Variants in FANCA observed in about 807,000 individuals in gnomAD.
The protein encoded by FANCA is FA complementation group A, also known as Fanconi anemia group A protein.
A neutral mutation model predicts 194.3 loss-of-function variants in FANCA; 236 were observed. The ratio of observed to expected loss-of-function variants is 1.21; its 90% CI spans 1.09 to 1.35. The LOEUF (loss-of-function observed/expected upper bound fraction) is 1.35. Among genes scored for constraint, FANCA ranks in the 40% most tolerant of loss-of-function variants. The pLI, the probability that FANCA is intolerant of heterozygous loss-of-function variation, is 0.00. For synonymous variants in FANCA, 1,014 were observed against 715.8 expected (o/e 1.42, Z -6.65); for missense variants, 2,628 against 1,813.9 (o/e 1.45, Z -8.15).
chr16:89,762,513 G>T (rs1318814269), intron 28 of FANCA: 3 of 223,724 alleles, frequency 1.3e-5, no homozygotes, highest in Non-Finnish European at 1.8e-5. Context: ...AGGATCTCTT[G>T]AGCCCAGGAG....
Position 89,779,949 on chromosome 16 carries a change from G to A in FANCA, c.1635C>T (p.Ser545=). The change falls in exon 18 of 43, where the codon AGC becomes AGT. Residue 545 remains serine, a synonymous_variant. Coordinates refer to ENST00000389301, the MANE Select transcript of FANCA (RefSeq NM_000135.4). The stretch of plus-strand genomic sequence containing the variant: ...CCTTTTCAACATCCTGAAGAGCTTG[G>A]CTGTGGGGCTGGTTCCCATACAGGG... The part of the protein sequence containing the change: ...SSAGDITEPH[S]QALQDVEKAI... 6.2e-7 allele frequency: 1 copy of A among 1,614,180 alleles called. No homozygotes were observed. The highest frequency in any genetic ancestry group is 8.5e-7 in the Non-Finnish European group (1 of 1,180,016).
At chr16:89,777,501 G>GGATC (rs2039549588) in intron 20 of FANCA, among the ~76,000 whole-genome samples, 1 of 148,446 alleles carries the variant, frequency 6.7e-6, no homozygotes, top group South Asian at 2.2e-4. Context: ...CGAGGTGGGT[G>GGATC]GATCACAAGA....
intron 17 of FANCA, among the ~76,000 whole-genome samples, chr16:89,781,747 C>G (rs1424836748): frequency 6.6e-6 from 1 of 150,550 alleles, no homozygotes; most frequent in African/African-American, 2.4e-5. Flanking sequence ...CGCCTGTAAT[C>G]CCAGCACTTT....
chr16:89,789,756 C>T (rs537779816), intron 14 of FANCA, among the ~76,000 whole-genome samples: 1 of 152,094 alleles, frequency 6.6e-6, no homozygotes, highest in African/African-American at 2.4e-5. Context: ...AAAACTTCTA[C>T]AAAAATTAGC....
At chr16:89,748,063 C>G (rs928262547) in intron 33 of FANCA, among the ~76,000 whole-genome samples, 1 of 152,190 alleles carries the variant, frequency 6.6e-6, no homozygotes, top group Admixed American at 6.5e-5. Flanking sequence ...AGGCGTGCAC[C>G]ACCATACCCA....
intron 21 of FANCA, among the ~76,000 whole-genome samples, chr16:89,774,753 A>AAAAAAAAC (rs2039442720): frequency 6.8e-6 from 1 of 147,540 alleles, no homozygotes; most frequent in African/African-American, 2.5e-5. Flanking sequence ...AAAAAAAAAA[A>AAAAAAAAC]ATCTCAACGA....
intron 7 of FANCA, among the ~76,000 whole-genome samples, chr16:89,804,643 A>G (rs562460302): frequency 1.5e-4 from 23 of 152,036 alleles, no homozygotes; most frequent in Non-Finnish European, 3.2e-4. Flanking sequence ...CTACTCCTCA[A>G]ACTGGGTTGG....
rs2143339825 is a variant in FANCA, at chr16:89,770,584, G to A, written c.2202C>T (p.Ser734=). 2 of 1,611,526 alleles carry A rather than the reference G, an allele frequency of 1.2e-6. No individual in the cohort carries two copies. Among genetic ancestry groups the A allele is most frequent in the African/African-American group, 2.7e-5 (2 of 75,008 alleles). The change falls in exon 24 of 43, where the codon TCC becomes TCT. Residue 734 remains serine (S), a synonymous_variant. Transcript: ENST00000389301. ...TSFCQNLMAA[S]SVAPPERQGP... ...TTCACCTCTCCGGGGGAGCGACACT[G>A]GAGGCAGCCATCAGGTTCTGACAGA...
At chr16:89,815,561 G>T (rs1402485080) in intron 2 of FANCA, among the ~76,000 whole-genome samples, 1 of 151,950 alleles carries the variant, frequency 6.6e-6, no homozygotes, top group Non-Finnish European at 1.5e-5. Flanking sequence ...TCACTATGTT[G>T]GCCAGGCTGG....
At chr16:89,743,100 G>C (rs2062174916) in intron 36 of FANCA, among the ~76,000 whole-genome samples, 162 bp from the exon 37 acceptor site, 1 of 152,202 alleles carries the variant, frequency 6.6e-6, no homozygotes, top group Admixed American at 6.5e-5. Context: ...CATCCCCCAG[G>C]TCCACGTGAG....
At chr16:89,744,184 C>T (rs563289024) in intron 36 of FANCA, among the ~76,000 whole-genome samples, 6 of 152,334 alleles carry the variant, frequency 3.9e-5, no homozygotes, top group South Asian at 2.1e-4. Flanking sequence ...TGTGCGCCAC[C>T]GCGCCGGGGC....
intron 9 of FANCA, 32 bp downstream of exon 9, chr16:89,799,573 T>G: frequency 1.2e-6 from 2 of 1,604,444 alleles, no homozygotes; most frequent in Non-Finnish European, 1.7e-6. Context: ...ACTAAGTCAT[T>G]TACAGTCTGG....
rs757932868 is a variant in FANCA, at chr16:89,779,919, G to C, written c.1665C>G (p.Ile555Met). The change falls in exon 18 of 43, where the codon ATC (isoleucine) becomes ATG (methionine). Residue 555 changes from isoleucine to methionine, a missense_variant. By Grantham distance (10) the Ile-to-Met change is conservative. Transcript: ENST00000389301. ...TGTTCCCCGTATGCTCAAACACCAT[G>C]ATGGCCTTTTCAACATCCTGAAGAG... ...SQALQDVEKA[I>M]MVFEHTGNIP... The C allele has an allele frequency of 5.6e-6, 9 of 1,614,038 alleles. No individual in the cohort carries two copies. Among genetic ancestry groups the C allele is most frequent in the East Asian group, 2.2e-5 (1 of 44,904 alleles).
intron 37 of FANCA, among the ~76,000 whole-genome samples, 198 bp downstream of exon 37, chr16:89,742,602 G>C (rs1468111846): frequency 1.5e-5 from 2 of 137,574 alleles, no homozygotes; most frequent in East Asian, 4.3e-4. Flanking sequence ...GGGGTCAGGA[G>C]ATCGAGACCA....
At position 89,764,897 on chromosome 16, in the gene FANCA, T is replaced by C. The variant is rs1417454350; in HGVS notation, c.2771A>G (p.Asp924Gly). Reference protein sequence around the residue: ...RTFREVLKEEDVHLTYQDWLH... With the variant: ...RTFREVLKEEGVHLTYQDWLH... ...GAAGGAACGGTCACCTACGTGAACA[T>C]CTTCCTCTTTCAACACCTCTCGGAA... Residue 924 changes from aspartate (D) to glycine (G), a missense_variant, in exon 28 of 43, where the codon GAT becomes GGT. Coordinates refer to ENST00000389301, the MANE Select transcript of FANCA (RefSeq NM_000135.4). The C allele has an allele frequency of 1.2e-6, 2 of 1,614,002 alleles. No individual in the cohort carries two copies. The highest frequency in any genetic ancestry group is 1.7e-6 in the Non-Finnish European group (2 of 1,179,930).
At chr16:89,779,521 T>A (rs2039629601) in intron 18 of FANCA, among the ~76,000 whole-genome samples, 1 of 151,760 alleles carries the variant, frequency 6.6e-6, no homozygotes, top group Non-Finnish European at 1.5e-5. Flanking sequence ...AATCAGCAGT[T>A]CCTGTTGGCT....
In FANCA at chr16:89,756,133, G is replaced by A. The variant is rs181632889; in HGVS notation, c.2981+2444C>T. Among the ~76,000 whole-genome samples, 215 of 152,294 alleles carry A rather than the reference G, an allele frequency of 1.4e-3. 1 individual carries two copies. Among genetic ancestry groups the A allele is most frequent in the African/African-American group, 5.1e-3 (212 of 41,540 alleles). ...GCTATGTGGGATTACTGTCATATAT[G>A]TGGCTCGTTGTTAACCAGAACATTC... On this transcript the variant is annotated intron_variant, in intron 30 of 42. Coordinates refer to ENST00000389301, the MANE Select transcript of FANCA (RefSeq NM_000135.4).
At chr16:89,740,320 C>T in intron 38 of FANCA, 1 of 577,032 alleles carries the variant, frequency 1.7e-6, no homozygotes, top group South Asian at 2.0e-5. Flanking sequence ...GGCTGCTGCA[C>T]CACGTCCTCA....
rs776001484 is a variant in FANCA, at chr16:89,742,935, G to T, written c.3630C>A (p.Phe1210Leu). The stretch of plus-strand genomic sequence containing the variant: ...CTGGGGAGGCAGCCTCAGGGGAGAG[G>T]AAACTGGGACAGAGAGAACGGGGTC... ...LQEGRQFASD[F>L]LSPEAASPAP... The change falls in exon 37 of 43, where the codon TTC (phenylalanine) becomes TTA (leucine). Residue 1210 changes from phenylalanine to leucine, a missense_variant. Phe to Leu is a conservative substitution (Grantham distance 22, BLOSUM62 0). Coordinates refer to ENST00000389301, the MANE Select transcript of FANCA (RefSeq NM_000135.4). 1.9e-6 allele frequency: 3 copies of T among 1,613,940 alleles called. No homozygotes were observed. The highest frequency in any genetic ancestry group is 2.2e-5 in the East Asian group (1 of 44,874).
Sources: gnomAD v4.1 joint callset for allele counts (sites outside exome capture counted in the v4.1 genomes callset) on GRCh38, gnomAD v4.1.1 for gene constraint, MANE v1.5 for transcripts, NCBI Gene and HGNC (gene_info 2026-07-23, HGNC 2026-07-21) for gene names.